Variants in NME7 observed in about 807,000 individuals in gnomAD.
The protein encoded by NME7 is nucleoside diphosphate kinase 7.
NME7 carries 41 observed loss-of-function variants against 49.1 expected under a neutral mutation model. That is an observed-to-expected ratio of 0.83 (90% confidence interval 0.65 to 1.08). The LOEUF (loss-of-function observed/expected upper bound fraction) is 1.08. NME7 is among the 50% of genes least tolerant of loss of function. The pLI, the probability that NME7 is intolerant of heterozygous loss-of-function variation, is 0.00. For missense variants in NME7, 423 were observed against 463.4 expected (o/e 0.91, Z 0.80); for synonymous variants, 139 against 150.6 (o/e 0.92, Z 0.56).
intron 3 of NME7, among the ~76,000 whole-genome samples, chr1:169,320,252 G>C (rs914996326): frequency 1.3e-4 from 20 of 152,146 alleles, no homozygotes; most frequent in African/African-American, 4.6e-4. Flanking sequence ...TTATCCATTT[G>C]ATTAGAGGAT....
intron 7 of NME7, among the ~76,000 whole-genome samples, chr1:169,253,782 AAT>A (rs1648758109): frequency 6.6e-6 from 1 of 151,880 alleles, no homozygotes; most frequent in Admixed American, 6.6e-5. Flanking sequence ...AGGGTTGTTG[AAT>A]TTTGTCAAAG....
At chr1:169,237,720 A>C in intron 7 of NME7, 33 bp from the exon 8 acceptor site, 1 of 1,562,750 alleles carries the variant, frequency 6.4e-7, no homozygotes, top group South Asian at 1.2e-5. Flanking sequence ...GAAAAAATAC[A>C]AAATTTTAAG....
chr1:169,354,746 T>G (rs1186990146), intron 1 of NME7, among the ~76,000 whole-genome samples: 1 of 142,904 alleles, frequency 7.0e-6, no homozygotes, highest in Non-Finnish European at 1.5e-5. Flanking sequence ...ACACCTAGTA[T>G]ACTATGGGTG....
intron 4 of NME7, among the ~76,000 whole-genome samples, chr1:169,304,679 C>T (rs574682474): frequency 3.3e-5 from 5 of 152,136 alleles, no homozygotes; most frequent in Middle Eastern, 6.8e-3. Context: ...TATTTTACAT[C>T]GGAAAAGAAT....
chr1:169,140,726 TA>T (rs57572886), intron 11 of NME7, among the ~76,000 whole-genome samples: 67,720 of 143,092 alleles, frequency 0.47, 15,987 homozygotes, highest in Non-Finnish European at 0.52. Context: ...AGTCTATCCT[TA>T]AAAAAAAAAA....
chr1:169,325,220 C>T (rs1350849176), intron 1 of NME7, among the ~76,000 whole-genome samples: 1 of 152,132 alleles, frequency 6.6e-6, no homozygotes, highest in Non-Finnish European at 1.5e-5. Context: ...TCCCACATTG[C>T]TACACCCTCT....
At chr1:169,250,845 T>A (rs926515562) in intron 7 of NME7, among the ~76,000 whole-genome samples, 1 of 152,102 alleles carries the variant, frequency 6.6e-6, no homozygotes, top group Non-Finnish European at 1.5e-5. Flanking sequence ...AGATACCTGA[T>A]AACATTTCGA....
chr1:169,328,847 C>A (rs1217408691), intron 1 of NME7, among the ~76,000 whole-genome samples: 1 of 152,042 alleles, frequency 6.6e-6, no homozygotes, highest in African/African-American at 2.4e-5. Context: ...TTAGGGTGCC[C>A]CTTAAAGCAG....
intron 10 of NME7, among the ~76,000 whole-genome samples, chr1:169,185,699 T>C (rs1660045252): frequency 1.3e-5 from 2 of 152,180 alleles, no homozygotes; most frequent in Non-Finnish European, 2.9e-5. Context: ...TAAAATTTTA[T>C]GTTGTCTGTC....
At chr1:169,349,449 C>G (rs954237407) in intron 1 of NME7, among the ~76,000 whole-genome samples, 1 of 152,130 alleles carries the variant, frequency 6.6e-6, no homozygotes, top group Admixed American at 6.6e-5. Flanking sequence ...ATGGAATATG[C>G]GTGACATTCA....
In NME7 at chr1:169,272,929, C is replaced by G. The variant is rs561502744; in HGVS notation, c.754+14374G>C. On this transcript the variant is annotated intron_variant, in intron 7 of 11. Transcript: ENST00000367811. ...CTCCCAGTAACAGTGTAAAAGTGTT[C>G]CTTTTTCTCCACAGCCTCACCAGCA... 2.8e-4 allele frequency among the ~76,000 whole-genome samples: 38 copies of G among 133,376 alleles called. 6 individuals are homozygous for G. In the South Asian group the frequency reaches 8.6e-3, roughly 30 times the overall value. 87.5% of individuals were successfully genotyped at this position (133,376 alleles called of 152,430 possible). A position where few individuals can be genotyped will look rare whatever the true frequency, so the allele number is the denominator to read the frequency against.
chr1:169,292,576 C>A (rs1650546715), intron 6 of NME7, among the ~76,000 whole-genome samples: 1 of 151,984 alleles, frequency 6.6e-6, no homozygotes, highest in South Asian at 2.1e-4. Flanking sequence ...CCACAGTATA[C>A]AGAAGGTGAG....
At chr1:169,315,256 CTTTCTTTTTTTTT>C (rs1355973478) in intron 3 of NME7, among the ~76,000 whole-genome samples, 6 of 150,400 alleles carry the variant, frequency 4.0e-5, no homozygotes, top group Non-Finnish European at 8.9e-5. Flanking sequence ...TCTTTTCTTT[CTTTCTTTTTTTTT>C]TTTCTTTTTT....
intron 6 of NME7, 141 bp from the exon 7 acceptor site, chr1:169,287,549 AGTTT>A (rs1268863522): frequency 1.6e-6 from 1 of 610,754 alleles, no homozygotes; most frequent in Non-Finnish European, 2.8e-6. Context: ...TCTAAAAATG[AGTTT>A]TACAAAGACA....
chr1:169,277,813 A>G (rs1251588807), intron 7 of NME7, among the ~76,000 whole-genome samples: 1 of 132,122 alleles, frequency 7.6e-6, no homozygotes, highest in Admixed American at 7.8e-5. Flanking sequence ...ATGATTTTGC[A>G]GCGGCTGGTA....
intron 1 of NME7, among the ~76,000 whole-genome samples, chr1:169,356,573 G>A (rs61806989): frequency 0.24 from 37,185 of 152,066 alleles, 5,672 homozygotes; most frequent in Non-Finnish European, 0.35. Flanking sequence ...AAAATTATAT[G>A]AATAAGAACT....
intron 10 of NME7, among the ~76,000 whole-genome samples, chr1:169,194,590 A>C (rs1412329932): frequency 6.6e-6 from 1 of 152,224 alleles, no homozygotes; most frequent in African/African-American, 2.4e-5. Context: ...TTTTGTGACT[A>C]TAAAACCAAC....
intron 3 of NME7, among the ~76,000 whole-genome samples, chr1:169,320,276 G>C (rs1185908088): frequency 6.6e-6 from 1 of 152,116 alleles, no homozygotes; most frequent in Non-Finnish European, 1.5e-5. Flanking sequence ...TATAAAGAGA[G>C]GATAAAAATG....
At chr1:169,176,827 A>G (rs1269531791) in intron 10 of NME7, among the ~76,000 whole-genome samples, 1 of 152,196 alleles carries the variant, frequency 6.6e-6, no homozygotes, top group African/African-American at 2.4e-5. Context: ...TATATAAATT[A>G]CTTAGTATTT....
Sources: allele counts gnomAD v4.1 joint callset (sites outside exome capture counted in the v4.1 genomes callset), GRCh38; gene constraint gnomAD v4.1.1; transcripts MANE v1.5; gene names NCBI Gene and HGNC (gene_info 2026-07-23, HGNC 2026-07-21).